DCC: variants seen among roughly 807,000 people sequenced by gnomAD.
The protein encoded by DCC is netrin receptor DCC.
Under a neutral mutation model 172.5 loss-of-function variants are expected in DCC, and 58 were observed. The observed-to-expected ratio is 0.34, with a 90% CI of 0.27 to 0.42. The LOEUF (loss-of-function observed/expected upper bound fraction) is 0.42. Among genes scored for constraint, DCC ranks in the 10% least tolerant of loss-of-function variants. DCC has a pLI of 1.00. For synonymous variants in DCC, 709 were observed against 644.5 expected (o/e 1.10, Z -1.52); for missense variants, 1,740 against 1,791.0 (o/e 0.97, Z 0.51).
chr18:52,490,710 T>G (rs141903185), intron 1 of DCC, among the ~76,000 whole-genome samples: 177 of 152,198 alleles, frequency 1.2e-3, no homozygotes, highest in African/African-American at 3.9e-3. Flanking sequence ...GAAGAATCCT[T>G]GAAGTTGGGC....
chr18:52,909,114 A>G (rs144591729), intron 3 of DCC, among the ~76,000 whole-genome samples: 1 of 152,296 alleles, frequency 6.6e-6, no homozygotes, highest in African/African-American at 2.4e-5. Flanking sequence ...AATGAATGGC[A>G]AATCTCTGCT....
At position 52,410,891 on chromosome 18, in the gene DCC, G is replaced by GTC. The variant is rs1389826765; in HGVS notation, c.91+70013_91+70014insTC. Among the ~76,000 whole-genome samples, 172 of 152,208 alleles carry GTC rather than the reference G, an allele frequency of 1.1e-3. 1 individual carries two copies. In the South Asian group the frequency reaches 0.018, roughly 16 times the overall value. ...TACTCCCTTGGAGAAGGAATACAGT[G>GTC]ACTTTTTATAGACAACTTTTAGAAA... is the stretch of plus-strand genomic sequence containing the variant. On this transcript the variant is annotated intron_variant, in intron 1 of 28. Coordinates refer to ENST00000442544, the MANE Select transcript of DCC (RefSeq NM_005215.4).
Position 53,459,372 on chromosome 18 carries a change from C to G in DCC, c.3533C>G (p.Ser1178Cys), listed in dbSNP as rs766330170. 16 of 1,613,774 alleles carry G rather than the reference C, an allele frequency of 9.9e-6. No homozygotes were observed. The highest frequency in any genetic ancestry group is 8.5e-7 in the Non-Finnish European group (1 of 1,179,696). The part of the protein sequence containing the change: ...PSGTDPAGRD[S>C]PIQSCQDLTP... ...GGCACTGACCCTGCAGGAAGGGACT[C>G]TCCCATCCAAAGTTGCCAAGACCTC... The change falls in exon 24 of 29, where the codon TCT becomes TGT. Residue 1178 changes from serine (S) to cysteine (C), a missense_variant. By Grantham distance (112) the Ser-to-Cys change is moderately radical (BLOSUM62 -1). Transcript: ENST00000442544.
At chr18:53,306,962 A>G (rs758769595) in intron 13 of DCC, among the ~76,000 whole-genome samples, 1 of 152,220 alleles carries the variant, frequency 6.6e-6, no homozygotes, top group Non-Finnish European at 1.5e-5. Flanking sequence ...AGTGAGAAAA[A>G]AGAAAGTAAT....
chr18:52,608,447 G>A (rs753653549), intron 1 of DCC, among the ~76,000 whole-genome samples: 7 of 152,162 alleles, frequency 4.6e-5, no homozygotes, highest in African/African-American at 1.2e-4. Context: ...TGGAGAAGAC[G>A]CTCTCTGAAC....
At chr18:53,450,907 A>G (rs977794085) in intron 23 of DCC, among the ~76,000 whole-genome samples, 7 of 152,078 alleles carry the variant, frequency 4.6e-5, no homozygotes, top group Non-Finnish European at 7.4e-5. Context: ...TACTTCTCTG[A>G]CCCCTTCTCA....
chr18:53,341,077 T>A (rs1331303874), intron 15 of DCC, among the ~76,000 whole-genome samples: 1 of 152,188 alleles, frequency 6.6e-6, no homozygotes, highest in Non-Finnish European at 1.5e-5. Flanking sequence ...ATTCTTTCCA[T>A]CAGTTCCTGA....
intron 2 of DCC, among the ~76,000 whole-genome samples, chr18:52,836,612 G>T (rs896589687): frequency 1.3e-5 from 2 of 152,200 alleles, no homozygotes; most frequent in Non-Finnish European, 1.5e-5. Flanking sequence ...CATGTCTCAC[G>T]TGCAGGTCTT....
intron 1 of DCC, among the ~76,000 whole-genome samples, chr18:52,450,127 G>C (rs866276100): frequency 1.3e-5 from 2 of 152,172 alleles, no homozygotes; most frequent in African/African-American, 4.8e-5. Flanking sequence ...TAAATGTAAT[G>C]AAACTGCCTT....
chr18:52,613,284 C>T (rs1598957757), intron 1 of DCC, among the ~76,000 whole-genome samples: 1 of 152,084 alleles, frequency 6.6e-6, no homozygotes, highest in African/African-American at 2.4e-5. Context: ...GAGACAGAGT[C>T]TCTCTCTGTA....
At chr18:52,837,717 C>T (rs1450923513) in intron 2 of DCC, among the ~76,000 whole-genome samples, 2 of 152,200 alleles carry the variant, frequency 1.3e-5, no homozygotes, top group East Asian at 1.9e-4. Context: ...CCAGTTCTAA[C>T]GTTACTTCCA....
intron 2 of DCC, among the ~76,000 whole-genome samples, chr18:52,763,535 T>C (rs919012897): frequency 2.0e-5 from 3 of 152,220 alleles, no homozygotes; most frequent in Non-Finnish European, 4.4e-5. Flanking sequence ...AGGTTTGGAA[T>C]ATGTAATTGC....
At chr18:53,056,413 ATGTT>A (rs2042404964) in intron 5 of DCC, among the ~76,000 whole-genome samples, 1 of 152,138 alleles carries the variant, frequency 6.6e-6, no homozygotes, top group African/African-American at 2.4e-5. Flanking sequence ...CCACACCAAT[ATGTT>A]ATCTCCAAAC....
At chr18:53,354,302 G>A (rs559504803) in intron 15 of DCC, among the ~76,000 whole-genome samples, 1 of 152,236 alleles carries the variant, frequency 6.6e-6, no homozygotes, top group South Asian at 2.1e-4. Context: ...TGAGTCAAAT[G>A]GTATTTCTAG....
chr18:53,011,034 C>A (rs964703106), intron 5 of DCC, among the ~76,000 whole-genome samples: 3 of 151,134 alleles, frequency 2.0e-5, no homozygotes, highest in African/African-American at 7.3e-5. Context: ...ATTTAAATTG[C>A]ATAATATATT....
At chr18:52,362,872 A>ATTCG (rs1984682330) in intron 1 of DCC, among the ~76,000 whole-genome samples, 1 of 151,954 alleles carries the variant, frequency 6.6e-6, no homozygotes, top group South Asian at 2.1e-4. Flanking sequence ...TCGTTCATTC[A>ATTCG]TTCGTTCATT....
In DCC at chr18:53,086,421, CTT is replaced by C. The variant is rs2042903164; in HGVS notation, c.1261+20256_1261+20257del. Among the ~76,000 whole-genome samples, 8 of 37,796 alleles carry C rather than the reference CTT, an allele frequency of 2.1e-4. 2 individuals are homozygous for C. The highest frequency in any genetic ancestry group is 7.3e-4 in the African/African-American group (2 of 2,756). 24.8% of individuals were successfully genotyped at this position (37,796 alleles called of 152,430 possible). A position where few individuals can be genotyped will look rare whatever the true frequency, so the allele number is the denominator to read the frequency against. On this transcript the variant is annotated intron_variant, in intron 7 of 28. Coordinates refer to ENST00000442544, the MANE Select transcript of DCC (RefSeq NM_005215.4). Reference sequence around the variant, plus strand: ...TTCTTCCTTTCTTCTTCTTCTTCTTCTTCTTCCTTTCTTCTTCTTCTTCTTCT... The same window carrying C: ...TTCTTCCTTTCTTCTTCTTCTTCTTCCTTCCTTTCTTCTTCTTCTTCTTCT...
chr18:53,203,740 A>G (rs1253439784), intron 9 of DCC, among the ~76,000 whole-genome samples: 1 of 152,202 alleles, frequency 6.6e-6, no homozygotes, highest in East Asian at 1.9e-4. Flanking sequence ...CCTACAATGT[A>G]TATCTGTCCA....
intron 1 of DCC, among the ~76,000 whole-genome samples, chr18:52,432,784 C>T (rs140384046): frequency 3.4e-4 from 52 of 152,242 alleles, no homozygotes; most frequent in East Asian, 2.3e-3. Context: ...CTGAGTACTA[C>T]GAGTGGATTT....
Sources: allele counts gnomAD v4.1 joint callset (sites outside exome capture counted in the v4.1 genomes callset), GRCh38; gene constraint gnomAD v4.1.1; transcripts MANE v1.5; gene names NCBI Gene and HGNC (gene_info 2026-07-23, HGNC 2026-07-21).